The following ZNF500 variants were observed in gnomAD, a reference collection of about 807,000 sequenced individuals.
The protein encoded by ZNF500 is zinc finger protein with KRAB and SCAN domains 18.
ZNF500 carries 31 observed loss-of-function variants against 30.1 expected under a neutral mutation model. The observed-to-expected ratio is 1.03, with a 90% CI of 0.77 to 1.39. The LOEUF (loss-of-function observed/expected upper bound fraction) is 1.39. ZNF500 is among the 40% of genes most tolerant of loss of function. ZNF500 has a pLI of 0.00. For missense variants in ZNF500, 817 were observed against 657.8 expected (o/e 1.24, Z -2.65); for synonymous variants, 392 against 282.0 (o/e 1.39, Z -3.91).
In ZNF500 at chr16:4,749,599, G is replaced by C. The variant is rs955155076; in HGVS notation, c.*2777C>G. ...GGAGGCCGAGGTGGGTGGATCACAA[G>C]GTCGGGAGTTCAAGACCAGCCTGAC... On this transcript the variant is annotated 3_prime_UTR_variant, in exon 6 of 6. Transcript: ENST00000219478. The C allele has an allele frequency of 3.3e-5, 5 of 152,292 alleles. No homozygotes were observed. The highest frequency in any genetic ancestry group is 9.6e-5 in the African/African-American group (4 of 41,458). The allele number at this position is 152,292 out of a possible 1,614,324, so 9.4% of individuals were successfully genotyped here. A position where few individuals can be genotyped will look rare whatever the true frequency, so the allele number is the denominator to read the frequency against.
In ZNF500 at chr16:4,752,366, G is replaced by A; in HGVS notation, c.*10C>T. 6.8e-7 allele frequency: 1 copy of A among 1,477,002 alleles called. No individual in the cohort carries two copies. Among genetic ancestry groups the A allele is most frequent in the Non-Finnish European group, 9.0e-7 (1 of 1,116,994 alleles). 91.5% of individuals were successfully genotyped at this position (1,477,002 alleles called of 1,614,324 possible). On this transcript the variant is annotated 3_prime_UTR_variant, in exon 6 of 6. Transcript: ENST00000219478. Reference sequence around the variant, plus strand: ...TGAGAGTCCTGGAAAGGGAGTTTCAGGCCTGGTGATCAGGCTTTGGCACCG... The same window carrying A: ...TGAGAGTCCTGGAAAGGGAGTTTCAAGCCTGGTGATCAGGCTTTGGCACCG...
chr16:4,752,927 C>A lies in ZNF500; in HGVS notation c.892G>T (p.Val298Phe). Reference sequence around the variant, plus strand: ...TGATCAGGCCTGACCAAGCCCCTGACTGGGGCTGGCCTCTGACCTGGGAGC... The same window carrying A: ...TGATCAGGCCTGACCAAGCCCCTGAATGGGGCTGGCCTCTGACCTGGGAGC... ...HPLPGQRPAP[V>F]RGLVRPDQPR... The change falls in exon 6 of 6, where the codon GTC (valine) becomes TTC (phenylalanine). Residue 298 changes from valine to phenylalanine, a missense_variant. Physicochemically the swap from Val to Phe is conservative, Grantham distance 50. Transcript: ENST00000219478. The A allele has an allele frequency of 6.2e-7, 1 of 1,613,596 alleles. No homozygotes were observed.
intron 4 of ZNF500, among the ~76,000 whole-genome samples, 161 bp from the exon 5 acceptor site, chr16:4,760,749 T>C (rs955783779): frequency 1.3e-5 from 2 of 152,206 alleles, no homozygotes; most frequent in Non-Finnish European, 2.9e-5. Context: ...TGGTGAGTCC[T>C]GGTGTCTCCG....
intron 4 of ZNF500, among the ~76,000 whole-genome samples, 197 bp downstream of exon 4, chr16:4,762,074 G>C (rs200665353): frequency 6.6e-6 from 1 of 152,154 alleles, no homozygotes; most frequent in Non-Finnish European, 1.5e-5. Flanking sequence ...ATGGCCTCTG[G>C]AGAGAAGAAA....
At position 4,752,885 on chromosome 16, in the gene ZNF500, G is replaced by A; in HGVS notation, c.934C>T (p.Pro312Ser). 2 of 1,614,084 alleles carry A rather than the reference G, an allele frequency of 1.2e-6. No individual in the cohort carries two copies. The highest frequency in any genetic ancestry group is 2.2e-5 in the South Asian group (2 of 91,084). The change falls in exon 6 of 6, where the codon CCA becomes TCA. Residue 312 changes from proline (P) to serine (S), a missense_variant. Transcript: ENST00000219478. ...VRPDQPRGGP[P>S]PGRRASHGAD... is the part of the protein sequence containing the mutation. ...CCATGGGAAGCCCGTCTTCCTGGTGGGGGGCCGCCTCTTGGCTGATCAGGC... is the reference window on the plus strand; with the variant it reads ...CCATGGGAAGCCCGTCTTCCTGGTGAGGGGCCGCCTCTTGGCTGATCAGGC...
intron 2 of ZNF500, 75 bp from the exon 3 acceptor site, chr16:4,762,831 C>G: frequency 6.7e-7 from 1 of 1,492,498 alleles, no homozygotes; most frequent in Non-Finnish European, 8.9e-7. Flanking sequence ...CCCCACACCC[C>G]TCATCTCAGG....
downstream of ZNF500, chr16:4,747,136 C>A: frequency 8.1e-7 from 1 of 1,234,804 alleles, no homozygotes; most frequent in Non-Finnish European, 1.1e-6. Context: ...CTGCACCCAC[C>A]GCACAGGGTG....
At chr16:4,744,889 C>G, downstream of ZNF500, 1 of 1,613,612 alleles carries the variant, frequency 6.2e-7, no homozygotes, top group South Asian at 1.1e-5. Context: ...TGCCGAGCGC[C>G]CACAACAGGC....
intron 5 of ZNF500, 105 bp downstream of exon 5, chr16:4,760,387 A>T: frequency 9.5e-7 from 1 of 1,057,322 alleles, no homozygotes; most frequent in South Asian, 1.5e-5. Context: ...TCCACGGAGG[A>T]TCGCCCCAGG....
chr16:4,747,387 T>C (rs527654261), downstream of ZNF500: 6 of 1,609,474 alleles, frequency 3.7e-6, no homozygotes, highest in African/African-American at 6.7e-5. Flanking sequence ...CTCAGGGCCT[T>C]TCAGAAGGGG....
chr16:4,747,035 C>T, downstream of ZNF500: 6 of 1,522,516 alleles, frequency 3.9e-6, no homozygotes, highest in Non-Finnish European at 5.3e-6. Flanking sequence ...GGTAACCACC[C>T]AGGGGCCTCT....
rs1396719820 is a variant in ZNF500, at chr16:4,762,665, G to A, written c.506C>T (p.Ser169Phe). 2 of 1,614,162 alleles carry A rather than the reference G, an allele frequency of 1.2e-6. No individual in the cohort carries two copies. The highest frequency in any genetic ancestry group is 2.2e-5 in the South Asian group (2 of 91,088). The change falls in exon 3 of 6, where the codon TCC becomes TTC. Residue 169 changes from serine to phenylalanine, a missense_variant. Transcript: ENST00000219478. ...GGAGAATCGAGCCTCTTCCTCCAGG[G>A]ACAGATCCTCTGGCTGAGCCTCTGC... ...HQAEAQPEDL[S>F]LEEEARFSSQ...
At chr16:4,744,438 G>C (rs532732553), downstream of ZNF500, among the ~76,000 whole-genome samples, 1 of 152,066 alleles carries the variant, frequency 6.6e-6, no homozygotes, top group Non-Finnish European at 1.5e-5. Context: ...ACTGCGGCTC[G>C]ATGAGGGGAT....
chr16:4,753,443 C>A (rs964861002), intron 5 of ZNF500, among the ~76,000 whole-genome samples: 2 of 152,162 alleles, frequency 1.3e-5, no homozygotes, highest in African/African-American at 4.8e-5. Flanking sequence ...GCCCGGGTGA[C>A]GGCATGAGAC....
chr16:4,744,275 T>C (rs1260396891), downstream of ZNF500, among the ~76,000 whole-genome samples: 3 of 152,194 alleles, frequency 2.0e-5, no homozygotes, highest in East Asian at 5.8e-4. Context: ...TTAATCAAGC[T>C]ATTGCAATTA....
Position 4,752,980 on chromosome 16 carries a change from G to C in ZNF500, c.839C>G (p.Ser280Trp), listed in dbSNP as rs779005729. 1 of 1,603,686 alleles carries C rather than the reference G, an allele frequency of 6.2e-7. No individual in the cohort carries two copies. The highest frequency in any genetic ancestry group is 8.5e-7 in the Non-Finnish European group (1 of 1,175,838). ...GTGGCCAGGCCCCTGGCATCGTGCC[G>C]AGAGCACTCGGTACCACTCCATTCT... Reference protein sequence around the residue: ...PLRMEWYRVLSARCQGPGHPL... With the variant: ...PLRMEWYRVLWARCQGPGHPL... Residue 280 changes from serine to tryptophan, a missense_variant, in exon 6 of 6, where the codon TCG becomes TGG. Coordinates refer to ENST00000219478, the MANE Select transcript of ZNF500 (RefSeq NM_021646.4).
chr16:4,762,188 G>T (rs904670538), intron 4 of ZNF500, 83 bp downstream of exon 4: 1 of 1,472,306 alleles, frequency 6.8e-7, no homozygotes, highest in African/African-American at 1.4e-5. Flanking sequence ...CCCCAGGAGA[G>T]GTGTCCCCTT....
At chr16:4,761,478 TACACACACACACAC>T (rs71139657) in intron 4 of ZNF500, among the ~76,000 whole-genome samples, 2,844 of 129,804 alleles carry the variant, frequency 0.022, 73 homozygotes, top group African/African-American at 0.057. Flanking sequence ...TACACATACA[TACACACACACACAC>T]ACACACACAC....
chr16:4,764,791 G>A (rs182319259), intron 2 of ZNF500, among the ~76,000 whole-genome samples: 973 of 130,892 alleles, frequency 7.4e-3, no homozygotes, highest in Middle Eastern at 0.019. Context: ...CAAAAAAAAA[G>A]AAAAAAAAAA....
Sources: gnomAD v4.1 joint callset for allele counts (sites outside exome capture counted in the v4.1 genomes callset) on GRCh38, gnomAD v4.1.1 for gene constraint, MANE v1.5 for transcripts, NCBI Gene and HGNC (gene_info 2026-07-23, HGNC 2026-07-21) for gene names.